TENM1: variants seen among roughly 807,000 people sequenced by gnomAD.
TENM1 encodes the protein teneurin-1.
In TENM1, 35 loss-of-function variants were observed where a neutral mutation model predicts 174.8. The ratio of observed to expected loss-of-function variants is 0.20; its 90% confidence interval spans 0.15 to 0.27. TENM1 has a LOEUF of 0.27. Among genes scored for constraint, TENM1 ranks in the 10% least tolerant of loss-of-function variants. The probability of loss-of-function intolerance (pLI) is 1.00; values close to 1 mark genes in which losing one functional copy is unlikely to be tolerated. For synonymous variants in TENM1, 781 were observed against 798.7 expected (o/e 0.98, Z 0.37); for missense variants, 1,633 against 2,130.1 (o/e 0.77, Z 4.59).
chrX:124,671,797 C>A (rs750097411), exon 6 of TENM1: 2 of 1,210,653 alleles, frequency 1.7e-6, no homozygotes, highest in Non-Finnish European at 2.2e-6. Context: ...TCTCCTTCAA[C>A]TGGTTGCAAC....
chrX:125,152,513 A>G, the TENM1 span, among the ~76,000 whole-genome samples: 1 of 112,213 alleles, frequency 8.9e-6, no homozygotes, highest in Non-Finnish European at 1.9e-5. Context: ...ATTCCTGTGT[A>G]ATAGAAGCCA....
At chrX:124,622,895 C>G (rs903545231) in intron 11 of TENM1, among the ~76,000 whole-genome samples, 1 of 111,508 alleles carries the variant, frequency 9.0e-6, no homozygotes. Context: ...TTCTGTATTT[C>G]AAGACAGAAT....
intron 23 of TENM1, among the ~76,000 whole-genome samples, chrX:124,426,178 C>A (rs941444619): frequency 2.2e-4 from 25 of 111,243 alleles, no homozygotes; most frequent in African/African-American, 8.2e-4. Context: ...TTGACAGTAA[C>A]TATTTATCCC....
intron 22 of TENM1, among the ~76,000 whole-genome samples, chrX:124,455,470 C>T (rs1343166989): frequency 1.8e-5 from 2 of 111,425 alleles, no homozygotes; most frequent in African/African-American, 6.5e-5. Flanking sequence ...TTGTGGCAGA[C>T]CTATTATTTA....
At chrX:125,066,773 G>A in the TENM1 span, among the ~76,000 whole-genome samples, 39 of 111,981 alleles carry the variant, frequency 3.5e-4, no homozygotes, top group African/African-American at 1.2e-3. Context: ...CATATTCAGT[G>A]CAGAGAATGC....
intron 3 of TENM1, among the ~76,000 whole-genome samples, chrX:124,890,974 A>T (rs1276492823): frequency 8.9e-6 from 1 of 112,138 alleles, no homozygotes; most frequent in Non-Finnish European, 1.9e-5. Context: ...CCATTAAAAG[A>T]ATGAAATCTT....
At chrX:125,079,026 A>G in the TENM1 span, among the ~76,000 whole-genome samples, 1 of 111,655 alleles carries the variant, frequency 9.0e-6, no homozygotes, top group Admixed American at 9.6e-5. Context: ...ACAGGTAATA[A>G]GGAGCACCGT....
At chrX:124,782,472 A>G (rs1395874038) in intron 3 of TENM1, among the ~76,000 whole-genome samples, 1 of 110,935 alleles carries the variant, frequency 9.0e-6, no homozygotes, top group African/African-American at 3.3e-5. Flanking sequence ...ACCATACCCT[A>G]TGCTTCAACC....
the TENM1 span, among the ~76,000 whole-genome samples, chrX:124,977,959 TGTGTGTGTGAGAGAGAGAGAGAGAGAGA>T: frequency 2.4e-3 from 136 of 55,796 alleles, no homozygotes; most frequent in African/African-American, 8.9e-3. Flanking sequence ...TGTGTGTGTG[TGTGTGTGTGAGAGAGAGAGAGAGAGAGA>T]GAGAGAGAGA....
the TENM1 span, among the ~76,000 whole-genome samples, chrX:124,985,025 A>T: frequency 8.9e-6 from 1 of 111,912 alleles, no homozygotes; most frequent in African/African-American, 3.2e-5. Context: ...AAAGGTTAAA[A>T]ATGTCCGAAG....
intron 21 of TENM1, among the ~76,000 whole-genome samples, chrX:124,483,413 T>A (rs2046887246): frequency 8.9e-6 from 1 of 112,266 alleles, no homozygotes. Context: ...TCTGATATGT[T>A]CATTGCCCAT....
intron 3 of TENM1, among the ~76,000 whole-genome samples, chrX:124,874,210 C>T (rs1449414647): frequency 1.8e-5 from 2 of 111,253 alleles, no homozygotes; most frequent in Non-Finnish European, 3.8e-5. Context: ...CTTTTCATAT[C>T]GACTGTATCT....
At chrX:124,899,160 C>T (rs181524378) in intron 1 of TENM1, among the ~76,000 whole-genome samples, 1 of 111,441 alleles carries the variant, frequency 9.0e-6, no homozygotes, top group African/African-American at 3.3e-5. Flanking sequence ...AAAGCACTTA[C>T]AACGCACCAC....
chrX:124,770,611 G>A (rs2054631700), intron 3 of TENM1, among the ~76,000 whole-genome samples: 1 of 110,133 alleles, frequency 9.1e-6, no homozygotes, highest in South Asian at 3.9e-4. Context: ...GTTTGGCTGT[G>A]TTGCTCAGGC....
intron 18 of TENM1, among the ~76,000 whole-genome samples, chrX:124,505,583 G>T (rs367677975): frequency 1.2e-4 from 13 of 111,492 alleles, no homozygotes; most frequent in African/African-American, 3.3e-4. Flanking sequence ...TCATTAACTA[G>T]CTGTGTGGGC....
chrX:125,198,650 C>G, the TENM1 span, among the ~76,000 whole-genome samples: 1 of 111,432 alleles, frequency 9.0e-6, no homozygotes, highest in African/African-American at 3.3e-5. Context: ...AATTCCCCAG[C>G]CTTTTACAGC....
At chrX:125,198,243 G>A in the TENM1 span, among the ~76,000 whole-genome samples, 1 of 111,889 alleles carries the variant, frequency 8.9e-6, no homozygotes, top group Non-Finnish European at 1.9e-5. Flanking sequence ...TGTAATAAAA[G>A]TGGGACATAG....
the TENM1 span, among the ~76,000 whole-genome samples, chrX:125,042,931 A>C: frequency 9.0e-6 from 1 of 111,537 alleles, no homozygotes; most frequent in Non-Finnish European, 1.9e-5. Context: ...TTAGTACACT[A>C]TGCAAGTTAA....
At chrX:124,515,313 A>C (rs1008351288) in intron 18 of TENM1, among the ~76,000 whole-genome samples, 5 of 111,774 alleles carry the variant, frequency 4.5e-5, no homozygotes, top group African/African-American at 1.6e-4. Flanking sequence ...CTCTCTCATC[A>C]GTCCTATTCA....
Sources: gnomAD v4.1 joint callset for allele counts (sites outside exome capture counted in the v4.1 genomes callset) on GRCh38, gnomAD v4.1.1 for gene constraint, MANE v1.5 for transcripts, NCBI Gene and HGNC (gene_info 2026-07-23, HGNC 2026-07-21) for gene names.